RAP1B: variants seen among roughly 807,000 people sequenced by gnomAD.
The protein encoded by RAP1B is ras-related protein Rap-1b.
Under a neutral mutation model 27.5 loss-of-function variants are expected in RAP1B, and 1 was observed. The observed-to-expected ratio is 0.04, with a 90% confidence interval of 0.01 to 0.17. RAP1B has a LOEUF of 0.17. Among genes scored for constraint, RAP1B ranks in the 10% least tolerant of loss-of-function variants. The pLI is 1.00. For synonymous variants in RAP1B, 75 were observed against 73.1 expected, an observed-to-expected ratio of 1.03 and a Z score of -0.13; for missense variants, 84 against 214.8, an observed-to-expected ratio of 0.39 and a Z score of 3.81.
chr12:68,636,009 T>C (rs1872607062), intron 1 of RAP1B, among the ~76,000 whole-genome samples: 1 of 151,294 alleles, frequency 6.6e-6, no homozygotes, highest in Non-Finnish European at 1.5e-5. Flanking sequence ...TTCCTGAGTA[T>C]CTGGGACTAC....
intron 1 of RAP1B, among the ~76,000 whole-genome samples, chr12:68,647,331 G>A (rs1006041051): frequency 2.9e-5 from 4 of 139,488 alleles, no homozygotes; most frequent in Admixed American, 7.3e-5. Flanking sequence ...TCAAGAGATC[G>A]AGACCATCCT....
chr12:68,642,436 T>C (rs1411831272), intron 1 of RAP1B: 3 of 633,976 alleles, frequency 4.7e-6, no homozygotes, highest in Non-Finnish European at 8.3e-6. Context: ...TATGGTGCTA[T>C]TGGTCTACTG....
chr12:68,626,922 T>A, intron 1 of RAP1B: 1 of 1,557,618 alleles, frequency 6.4e-7, no homozygotes, highest in Non-Finnish European at 8.7e-7. Flanking sequence ...GGAAATGTAC[T>A]TGACCCGACA....
intron 4 of RAP1B, 137 bp downstream of exon 4, chr12:68,652,188 C>A: frequency 1.7e-6 from 1 of 603,346 alleles, no homozygotes. Flanking sequence ...GCTCACACCT[C>A]TATTCCCAGC....
intron 1 of RAP1B, among the ~76,000 whole-genome samples, chr12:68,622,647 A>G (rs1050305963): frequency 4.6e-5 from 7 of 152,170 alleles, no homozygotes; most frequent in African/African-American, 1.4e-4. Flanking sequence ...GTAGTTCTTA[A>G]TCATAATCAA....
chr12:68,623,209 T>C (rs1871507726), intron 1 of RAP1B, among the ~76,000 whole-genome samples: 1 of 152,204 alleles, frequency 6.6e-6, no homozygotes. Context: ...TATAAAACTG[T>C]TAGCAGTTCA....
At chr12:68,622,575 C>T (rs1186788040) in intron 1 of RAP1B, among the ~76,000 whole-genome samples, 2 of 152,192 alleles carry the variant, frequency 1.3e-5, no homozygotes, top group Non-Finnish European at 2.9e-5. Flanking sequence ...GTTCAGATGT[C>T]ACATTTACAG....
chr12:68,627,096 G>T lies in RAP1B; in HGVS notation c.-27+16053G>T, dbSNP rs1400169558. ...CACATGCTCCTTGTTCTGCAGCTTG[G>T]TGTGAATGGAGATGATAACTTGGCC... On this transcript the variant is annotated intron_variant, in intron 1 of 7. Transcript: ENST00000250559. 1.4e-5 allele frequency: 22 copies of T among 1,591,896 alleles called. No homozygotes were observed. In the Admixed American group the frequency reaches 3.7e-4, roughly 27 times the overall value.
At chr12:68,626,769 A>T in intron 1 of RAP1B, 1 of 1,174,930 alleles carries the variant, frequency 8.5e-7, no homozygotes, top group Non-Finnish European at 1.2e-6. Flanking sequence ...AGAATTTTCC[A>T]GGGTGTTTTT....
At chr12:68,646,767 A>T (rs1225024287) in intron 1 of RAP1B, among the ~76,000 whole-genome samples, 2 of 152,230 alleles carry the variant, frequency 1.3e-5, no homozygotes, top group Non-Finnish European at 2.9e-5. Context: ...GTTAGTGAAC[A>T]TGCAACATCA....
At chr12:68,640,864 T>C (rs1033349001) in intron 1 of RAP1B, among the ~76,000 whole-genome samples, 1 of 152,230 alleles carries the variant, frequency 6.6e-6, no homozygotes, top group Non-Finnish European at 1.5e-5. Context: ...CAGTTTTTAT[T>C]TTCTTTGATT....
At chr12:68,637,735 A>G (rs1403873948) in intron 1 of RAP1B, among the ~76,000 whole-genome samples, 1 of 151,634 alleles carries the variant, frequency 6.6e-6, no homozygotes, top group Non-Finnish European at 1.5e-5. Context: ...AGCTCCAAAG[A>G]TGATACAGTA....
intron 4 of RAP1B, 46 bp downstream of exon 4, chr12:68,652,097 T>C (rs1362878171): frequency 1.4e-6 from 2 of 1,414,310 alleles, no homozygotes; most frequent in East Asian, 2.3e-5. Flanking sequence ...TTGTACAGTA[T>C]TGACTTCATA....
At position 68,658,583 on chromosome 12, in the gene RAP1B, C is replaced by T. The variant is rs1183185252; in HGVS notation, c.*31-697C>T. Among the ~76,000 whole-genome samples, 4 of 152,192 alleles carry T rather than the reference C, an allele frequency of 2.6e-5. No individual in the cohort carries two copies. The East Asian group carries it at 5.8e-4, about 22-fold the overall frequency. On this transcript the variant is annotated intron_variant, in intron 7 of 7. Coordinates refer to ENST00000250559, the MANE Select transcript of RAP1B (RefSeq NM_001010942.3). The stretch of plus-strand genomic sequence containing the variant: ...TGTATGCAGAAAACTATTCAAAGTA[C>T]ATATTTAACAATTCTAAGTTTACTT...
chr12:68,655,788 G>A (rs777422383), intron 5 of RAP1B, among the ~76,000 whole-genome samples: 3 of 152,056 alleles, frequency 2.0e-5, no homozygotes, highest in South Asian at 2.1e-4. Context: ...CACCCGCCTC[G>A]GCCTCCCAAA....
At chr12:68,616,813 A>T (rs993724310) in intron 1 of RAP1B, among the ~76,000 whole-genome samples, 1 of 151,590 alleles carries the variant, frequency 6.6e-6, no homozygotes, top group Non-Finnish European at 1.5e-5. Context: ...GGATCTGCCC[A>T]TCTTGGCCTC....
chr12:68,643,562 T>A (rs1362007477), intron 1 of RAP1B, among the ~76,000 whole-genome samples: 1 of 152,198 alleles, frequency 6.6e-6, no homozygotes, highest in African/African-American at 2.4e-5. Flanking sequence ...ACTTAAAGAA[T>A]AGAATTAAAC....
chr12:68,642,337 T>TA (rs752969138), intron 1 of RAP1B, among the ~76,000 whole-genome samples: 17 of 151,446 alleles, frequency 1.1e-4, no homozygotes, highest in African/African-American at 2.7e-4. Flanking sequence ...AGAATGATAT[T>TA]AAAAAAAAAG....
intron 1 of RAP1B, among the ~76,000 whole-genome samples, chr12:68,646,064 G>T (rs987801727): frequency 6.6e-6 from 1 of 152,146 alleles, no homozygotes; most frequent in Non-Finnish European, 1.5e-5. Flanking sequence ...TGAAGCAGCT[G>T]GGAAAAAGAG....
Sources: allele counts gnomAD v4.1 joint callset (sites outside exome capture counted in the v4.1 genomes callset), GRCh38; gene constraint gnomAD v4.1.1; transcripts MANE v1.5; gene names NCBI Gene and HGNC (gene_info 2026-07-23, HGNC 2026-07-21).